Variants in BRD4 observed in about 807,000 individuals in gnomAD.
BRD4 encodes bromodomain containing 4.
Under a neutral mutation model 142.1 loss-of-function variants are expected in BRD4, and 16 were observed. The observed-to-expected ratio is 0.11, with a 90% CI of 0.08 to 0.17. The LOEUF is 0.17. Among genes scored for constraint, BRD4 ranks in the 10% least tolerant of loss-of-function variants. The pLI, the probability that BRD4 is intolerant of heterozygous loss-of-function variation, is 1.00. For synonymous variants in BRD4, 833 were observed against 707.5 expected, an observed-to-expected ratio of 1.18 and a Z score of -2.82; for missense variants, 1,424 against 1,810.9, an observed-to-expected ratio of 0.79 and a Z score of 3.88.
intron 7 of BRD4, among the ~76,000 whole-genome samples, chr19:15,257,481 C>T (rs1726796905): frequency 6.6e-6 from 1 of 152,226 alleles, no homozygotes; most frequent in African/African-American, 2.4e-5. Flanking sequence ...AGACAGCCAG[C>T]TCACTGAAGT....
chr19:15,308,724 T>TA (rs1411937644), intron 1 of BRD4, among the ~76,000 whole-genome samples: 1 of 150,444 alleles, frequency 6.6e-6, no homozygotes, highest in Non-Finnish European at 1.5e-5. Flanking sequence ...CCTTAAACTT[T>TA]AAACATCTGG....
rs560131788 is a variant in BRD4 at position 15,237,349 on chromosome 19, ATT to A, written c.*1026_*1027del. 3 of 215,544 alleles carry A rather than the reference ATT, an allele frequency of 1.4e-5. No individual in the cohort carries two copies. The highest frequency in any genetic ancestry group is 2.8e-5 in the Non-Finnish European group (3 of 108,122). 13.4% of individuals were successfully genotyped at this position (215,544 alleles called of 1,614,324 possible). A position where few individuals can be genotyped will look rare whatever the true frequency, so the allele number is the denominator to read the frequency against. The stretch of plus-strand genomic sequence containing the variant: ...TGAAACTGAGTAAAATATAGGCAGG[ATT>A]TTTTTTGTGTGTTTTGTCTTTTTGT... On this transcript the variant is annotated 3_prime_UTR_variant, in exon 20 of 20. Transcript: ENST00000679869.
In BRD4 at chr19:15,260,177, G is replaced by A. The variant is rs139638248; in HGVS notation, c.1342-3004C>T. Among the ~76,000 whole-genome samples, 249 of 152,368 alleles carry A rather than the reference G, an allele frequency of 1.6e-3. 1 individual carries two copies. The highest frequency in any genetic ancestry group is 5.7e-3 in the African/African-American group (236 of 41,590). On this transcript the variant is annotated intron_variant, in intron 7 of 19. Transcript: ENST00000679869. ...CTGGTTTCAGACAAGTATCTCAGCT[G>A]TCAGGCTGTGGAACACAGGTTTTCT...
intron 4 of BRD4, among the ~76,000 whole-genome samples, 154 bp downstream of exon 4, chr19:15,267,262 T>A (rs964950189): frequency 6.6e-6 from 1 of 152,046 alleles, no homozygotes; most frequent in Non-Finnish European, 1.5e-5. Context: ...ATGGGATGGA[T>A]CCAACACCAA....
Position 15,256,075 on chromosome 19 carries a change from G to A in BRD4, c.1740C>T (p.Asn580=), listed in dbSNP as rs757989076. ...CAGGGGACACAGACCTCACATTGCT[G>A]TTGCTGCTATTATTTTTCTTCGTCT... The part of the protein sequence containing the change: ...PKKTKKNNSS[N]SNVSKKEPAP... Residue 580 remains asparagine, a synonymous_variant, in exon 9 of 20, where the codon AAC becomes AAT. Transcript: ENST00000679869. The A allele has an allele frequency of 1.2e-6, 2 of 1,611,634 alleles. No individual in the cohort carries two copies. The highest frequency in any genetic ancestry group is 8.5e-7 in the Non-Finnish European group (1 of 1,179,874).
intron 14 of BRD4, 28 bp from the exon 15 acceptor site, chr19:15,240,050 AG>A (rs2047226694): frequency 6.3e-7 from 1 of 1,592,052 alleles, no homozygotes. Flanking sequence ...GAATGTGTCA[AG>A]GGGCTGGCTT....
At chr19:15,326,970 C>T (rs927370521) in intron 1 of BRD4, among the ~76,000 whole-genome samples, 26 of 152,200 alleles carry the variant, frequency 1.7e-4, no homozygotes, top group Non-Finnish European at 3.4e-4. Flanking sequence ...AGCAGCATTT[C>T]AAACTGTTCT....
At chr19:15,316,631 C>T (rs2048020827) in intron 1 of BRD4, among the ~76,000 whole-genome samples, 1 of 152,114 alleles carries the variant, frequency 6.6e-6, no homozygotes, top group Non-Finnish European at 1.5e-5. Context: ...AGAAGTGAAA[C>T]CAAATCAAGG....
chr19:15,289,397 T>C (rs1323020474), intron 1 of BRD4, among the ~76,000 whole-genome samples: 1 of 151,864 alleles, frequency 6.6e-6, no homozygotes, highest in African/African-American at 2.4e-5. Context: ...ACTAAAAATA[T>C]AAAATTGGCC....
chr19:15,289,664 C>G (rs1599492072), intron 1 of BRD4, among the ~76,000 whole-genome samples: 1 of 146,808 alleles, frequency 6.8e-6, no homozygotes, highest in African/African-American at 2.6e-5. Context: ...CGGTTTTGAT[C>G]CAAAAAAAAA....
chr19:15,330,564 G>T (rs1015627334), intron 1 of BRD4, among the ~76,000 whole-genome samples: 1 of 152,088 alleles, frequency 6.6e-6, no homozygotes, highest in South Asian at 2.1e-4. Context: ...TCAGGAGTTC[G>T]AGACCAGCCT....
intron 1 of BRD4, among the ~76,000 whole-genome samples, chr19:15,311,389 C>G (rs2032613050): frequency 6.6e-6 from 1 of 152,152 alleles, no homozygotes; most frequent in Non-Finnish European, 1.5e-5. Context: ...GTGGAAGCAA[C>G]CCAACTCCAT....
Position 15,258,354 on chromosome 19 carries a change from C to T in BRD4, c.1342-1181G>A, listed in dbSNP as rs540803509. Among the ~76,000 whole-genome samples the T allele has an allele frequency of 5.9e-5, 9 of 152,280 alleles. No individual in the cohort carries two copies. In the East Asian group the frequency reaches 1.5e-3, roughly 26 times the overall value. On this transcript the variant is annotated intron_variant, in intron 7 of 19. Coordinates refer to ENST00000679869, the MANE Select transcript of BRD4 (RefSeq NM_001379291.1). Reference sequence around the variant, plus strand: ...TAACTTTTTTTTTGGAGACAGTCTTCACCCAGGCTGGAGTGCAGTGGCGCA... The same window carrying T: ...TAACTTTTTTTTTGGAGACAGTCTTTACCCAGGCTGGAGTGCAGTGGCGCA...
intron 11 of BRD4, among the ~76,000 whole-genome samples, chr19:15,250,398 T>G (rs916588199): frequency 4.6e-5 from 7 of 152,152 alleles, no homozygotes; most frequent in Non-Finnish European, 8.8e-5. Flanking sequence ...TCAAAGACCC[T>G]GGGGGTCAGG....
intron 7 of BRD4, among the ~76,000 whole-genome samples, chr19:15,258,864 G>A (rs1599456019): frequency 6.6e-6 from 1 of 152,174 alleles, no homozygotes; most frequent in Non-Finnish European, 1.5e-5. Context: ...AAAAGTGCCA[G>A]GATTACAGGC....
chr19:15,284,155 AC>A (rs916943395), intron 1 of BRD4, among the ~76,000 whole-genome samples: 2 of 152,084 alleles, frequency 1.3e-5, no homozygotes, highest in East Asian at 1.9e-4. Context: ...TCTGGAAAAA[AC>A]GTTACACCTG....
chr19:15,284,181 C>T (rs966530375), intron 1 of BRD4, among the ~76,000 whole-genome samples: 1 of 152,166 alleles, frequency 6.6e-6, no homozygotes, highest in African/African-American at 2.4e-5. Flanking sequence ...TATCTAGACA[C>T]GCTCAAGAAA....
intron 1 of BRD4, among the ~76,000 whole-genome samples, chr19:15,314,937 G>A (rs2048003577): frequency 6.6e-6 from 1 of 152,198 alleles, no homozygotes; most frequent in Non-Finnish European, 1.5e-5. Context: ...AGAATCAAAT[G>A]AACGGAATGA....
rs200763296 is a variant in BRD4 at position 15,242,882 on chromosome 19, C to A, written c.3169+18G>T. The A allele has an allele frequency of 6.3e-7, 1 of 1,597,016 alleles. No homozygotes were observed. ...CCAGCACCAGCCTCCCCAGAGTCTA[C>A]GGGTGAGGACCACTTACCGGTTGAG... On this transcript the variant is annotated intron_variant, in intron 14 of 19. Transcript: ENST00000679869.
Sources: gnomAD v4.1 joint callset for allele counts (sites outside exome capture counted in the v4.1 genomes callset) on GRCh38, gnomAD v4.1.1 for gene constraint, MANE v1.5 for transcripts, NCBI Gene and HGNC (gene_info 2026-07-23, HGNC 2026-07-21) for gene names.